The following HLA-DPA1 variants were observed in gnomAD, a reference collection of about 807,000 sequenced individuals.
HLA-DPA1 encodes the protein major histocompatibility complex, class II, DP alpha 1.
In HLA-DPA1, 20 loss-of-function variants were observed where a neutral mutation model predicts 21.5. The ratio of observed to expected loss-of-function variants is 0.93; its 90% CI spans 0.66 to 1.35. The LOEUF (loss-of-function observed/expected upper bound fraction) is 1.35. HLA-DPA1 is among the 40% of genes most tolerant of loss of function. HLA-DPA1 has a pLI of 0.00. For missense variants in HLA-DPA1, 279 were observed against 323.0 expected, an observed-to-expected ratio of 0.86 and a Z score of 1.05; for synonymous variants, 123 against 129.6, an observed-to-expected ratio of 0.95 and a Z score of 0.35.
At chr6:33,065,664 G>A (rs1013286469) in intron 5 of HLA-DPA1, 1 of 152,226 alleles carries the variant, frequency 6.6e-6, no homozygotes. Flanking sequence ...CTTAACCCTG[G>A]AATGAGAATT....
intron 1 of HLA-DPA1, among the ~76,000 whole-genome samples, chr6:33,074,546 A>G (rs1217418969): frequency 2.0e-5 from 3 of 152,212 alleles, no homozygotes; most frequent in African/African-American, 7.2e-5. Context: ...CTCATAGAGA[A>G]GGTCACAAAA....
In HLA-DPA1 at chr6:33,080,068, T is replaced by C. The variant is rs1762754641; in HGVS notation, c.-100+612A>G. Among the ~76,000 whole-genome samples the C allele has an allele frequency of 6.6e-6, 1 of 152,218 alleles. No individual in the cohort carries two copies. On this transcript the variant is annotated intron_variant, in intron 1 of 5. Coordinates refer to ENST00000419277, the Ensembl canonical transcript of HLA-DPA1. The surrounding 1 kb of genome is among the most constrained non-coding windows in gnomAD (Gnocchi z 4.3). ...AATTAACTTTCAGGCTACAGAGTCT[T>C]TCTTATACCAAAGTTGAAGAAAGTT...
intron 1 of HLA-DPA1, among the ~76,000 whole-genome samples, chr6:33,077,046 T>C (rs904869838): frequency 4.0e-5 from 6 of 151,180 alleles, no homozygotes; most frequent in Non-Finnish European, 8.9e-5. Context: ...ATTAGGTATA[T>C]TTCCTAATGC....
At chr6:33,077,599 TG>T (rs1283240238) in intron 1 of HLA-DPA1, among the ~76,000 whole-genome samples, 4 of 152,216 alleles carry the variant, frequency 2.6e-5, no homozygotes, top group African/African-American at 9.7e-5. Context: ...ACTTTTACTC[TG>T]TTGGTGGGAC....
rs1762139434 is a variant in HLA-DPA1 at position 33,069,357 on chromosome 6, C to T, written c.347-57G>A. 3.3e-6 allele frequency: 5 copies of T among 1,535,464 alleles called. No individual in the cohort carries two copies. In the East Asian group the frequency reaches 9.2e-5, roughly 28 times the overall value. Reference sequence around the variant, plus strand: ...CTTCTGGGATGAATCACAAAGGCTCCACCTCTTAGGGGAGGGTGGTCCTCT... The same window carrying T: ...CTTCTGGGATGAATCACAAAGGCTCTACCTCTTAGGGGAGGGTGGTCCTCT... On this transcript the variant is annotated intron_variant, in intron 3 of 5. Transcript: ENST00000419277.
chr6:33,069,882 G>A, exon 3 of HLA-DPA1: 1 of 1,608,924 alleles, frequency 6.2e-7, no homozygotes, highest in African/African-American at 1.3e-5. Context: ...TTGACACATG[G>A]TCCGCTGCAT....
intron 1 of HLA-DPA1, chr6:33,076,116 T>G: frequency 6.2e-7 from 1 of 1,611,400 alleles, no homozygotes; most frequent in Non-Finnish European, 8.5e-7. Flanking sequence ...TGCTCACATC[T>G]GTGGTCCAGG....
At chr6:33,075,779 G>GT in intron 1 of HLA-DPA1, 2 of 482,316 alleles carry the variant, frequency 4.1e-6, no homozygotes, top group East Asian at 7.1e-5. Context: ...GTTAAAATGA[G>GT]TATCACTGTC....
At chr6:33,079,924 A>T in intron 1 of HLA-DPA1, 2 of 265,764 alleles carry the variant, frequency 7.5e-6, no homozygotes, top group Non-Finnish European at 1.5e-5. Flanking sequence ...AAATTACATC[A>T]ATGCCTCTAA....
At chr6:33,066,518 A>AC (rs1761960971) in intron 5 of HLA-DPA1, 1 of 152,262 alleles carries the variant, frequency 6.6e-6, no homozygotes, top group Non-Finnish European at 1.5e-5. Context: ...ATATCTCAGT[A>AC]TAGGGAAGAC....
rs765998472 is a variant in HLA-DPA1 at position 33,080,668 on chromosome 6, G to A, written c.-100+12C>T. ...CTCCGCTCATGTCCGCCCCCTCCCC[G>A]CAGAGAATTACCTTTTCCAGGGACG... On this transcript the variant is annotated intron_variant, in intron 1 of 5. Transcript: ENST00000419277. The surrounding 1 kb of genome is among the most constrained non-coding windows in gnomAD (Gnocchi z 4.3). 15 of 1,612,206 alleles carry A rather than the reference G, an allele frequency of 9.3e-6. No individual in the cohort carries two copies. The South Asian group carries it at 1.5e-4, about 17-fold the overall frequency.
intron 1 of HLA-DPA1, 100 bp from the exon 1 acceptor site, chr6:33,073,749 G>A: frequency 3.5e-6 from 2 of 573,862 alleles, no homozygotes; most frequent in Non-Finnish European, 6.2e-6. Context: ...CTCTGTTGCT[G>A]GGTAAAGAGG....
intron 5 of HLA-DPA1, chr6:33,067,947 A>G (rs1583085267): frequency 6.6e-6 from 1 of 152,234 alleles, no homozygotes; most frequent in African/African-American, 2.4e-5. Context: ...AGCATGAATA[A>G]CAATAATAAT....
exon 6 of HLA-DPA1, chr6:33,065,194 G>T (rs138472002): frequency 6.6e-6 from 1 of 152,160 alleles, no homozygotes; most frequent in Non-Finnish European, 1.5e-5. Context: ...CTGCTTTGAG[G>T]TAATGGATAA....
intron 1 of HLA-DPA1, chr6:33,079,413 C>G (rs560517160): frequency 2.6e-4 from 55 of 209,008 alleles, no homozygotes; most frequent in African/African-American, 1.3e-3. Context: ...TTCCTCGGTG[C>G]TGCCTATGCA....
chr6:33,069,690 G>C lies in HLA-DPA1; in HGVS notation c.297C>G (p.Asn99Lys), dbSNP rs141823446. The C allele has an allele frequency of 2.9e-5, 47 of 1,612,702 alleles. 1 individual carries two copies. The South Asian group carries it at 4.5e-4, about 15-fold the overall frequency. ...AACGCTGGATCAAGGTATTCAAGTT[G>C]TTGTTCAATATAGCAATGTTAGCCA... Residue 99 changes from asparagine (N) to lysine (K), a missense_variant, in exon 3 of 6, where the codon AAC becomes AAG. Transcript: ENST00000419277.
intron 1 of HLA-DPA1, chr6:33,076,235 C>T: frequency 4.8e-6 from 4 of 832,662 alleles, no homozygotes; most frequent in Non-Finnish European, 7.8e-6. Context: ...AGACAGGCTG[C>T]GGGGGCTCCT....
intron 1 of HLA-DPA1, chr6:33,079,978 A>G (rs1762750059): frequency 4.5e-6 from 1 of 220,246 alleles, no homozygotes. Context: ...TGTTGTGGTG[A>G]TTTTCATTGT....
chr6:33,069,655 G>C, exon 3 of HLA-DPA1: 1 of 1,612,334 alleles, frequency 6.2e-7, no homozygotes, highest in Non-Finnish European at 8.5e-7. Context: ...GGTGGCCTGA[G>C]TGTGGTTGGA....
Sources: allele counts gnomAD v4.1 joint callset (sites outside exome capture counted in the v4.1 genomes callset), GRCh38; gene constraint gnomAD v4.1.1; non-coding constraint Gnocchi (gnomAD v3.1); transcripts MANE v1.5; gene names NCBI Gene and HGNC (gene_info 2026-07-23, HGNC 2026-07-21).